AGBL4: variants seen among roughly 807,000 people sequenced by gnomAD.
AGBL4 encodes cytosolic carboxypeptidase 6.
Under a neutral mutation model 66.4 loss-of-function variants are expected in AGBL4, and 58 were observed. The ratio of observed to expected loss-of-function variants is 0.87; its 90% CI spans 0.71 to 1.09. The LOEUF (loss-of-function observed/expected upper bound fraction) is 1.09. AGBL4 is among the 50% of genes least tolerant of loss of function. The probability of loss-of-function intolerance (pLI) is 0.00; values close to 1 mark genes in which losing one functional copy is unlikely to be tolerated. For missense variants in AGBL4, 579 were observed against 631.0 expected, an observed-to-expected ratio of 0.92 and a Z score of 0.88; for synonymous variants, 234 against 222.9, an observed-to-expected ratio of 1.05 and a Z score of -0.44.
chr1:48,535,370 T>C (rs1442706387), intron 12 of AGBL4, among the ~76,000 whole-genome samples: 1 of 152,192 alleles, frequency 6.6e-6, no homozygotes, highest in Non-Finnish European at 1.5e-5. Context: ...CAGGCCTTTG[T>C]AGCACTTTGT....
chr1:48,935,512 C>T (rs1176242404), intron 5 of AGBL4, among the ~76,000 whole-genome samples: 2 of 152,114 alleles, frequency 1.3e-5, no homozygotes, highest in Non-Finnish European at 2.9e-5. Flanking sequence ...CCCACTTCAA[C>T]GATGCTCTCT....
At chr1:48,637,282 G>A (rs946918554) in intron 8 of AGBL4, among the ~76,000 whole-genome samples, 24 of 152,210 alleles carry the variant, frequency 1.6e-4, no homozygotes, top group Non-Finnish European at 5.9e-5. Flanking sequence ...GGTCAGGGAT[G>A]ACCTCTTCTT....
intron 3 of AGBL4, among the ~76,000 whole-genome samples, chr1:49,424,143 G>A (rs1645607104): frequency 6.6e-6 from 1 of 152,156 alleles, no homozygotes; most frequent in African/African-American, 2.4e-5. Flanking sequence ...GACACTAAGA[G>A]AACCAAGATC....
intron 1 of AGBL4, among the ~76,000 whole-genome samples, chr1:49,905,304 C>G (rs1001803204): frequency 2.0e-5 from 3 of 152,142 alleles, no homozygotes; most frequent in African/African-American, 7.2e-5. Context: ...ATCATAAATA[C>G]ATTTCATCAC....
At chr1:49,996,994 T>C (rs934202008) in intron 1 of AGBL4, among the ~76,000 whole-genome samples, 2 of 152,224 alleles carry the variant, frequency 1.3e-5, no homozygotes, top group Middle Eastern at 3.4e-3. Flanking sequence ...AGTCTTTTTA[T>C]AATAAATGCT....
intron 9 of AGBL4, among the ~76,000 whole-genome samples, chr1:48,631,640 T>A (rs773754359): frequency 1.3e-5 from 2 of 152,288 alleles, no homozygotes; most frequent in East Asian, 3.9e-4. Context: ...GTGGTCCGCC[T>A]GCCTCAGCTT....
At chr1:49,256,059 G>T (rs1652471533) in intron 3 of AGBL4, among the ~76,000 whole-genome samples, 1 of 152,046 alleles carries the variant, frequency 6.6e-6, no homozygotes, top group African/African-American at 2.4e-5. Context: ...ATGGGTACTA[G>T]GCTTCATATC....
chr1:48,922,303 G>A (rs377665348), intron 5 of AGBL4, among the ~76,000 whole-genome samples: 18 of 152,242 alleles, frequency 1.2e-4, no homozygotes, highest in South Asian at 1.0e-3. Context: ...AGCCAATAAC[G>A]GCTTTGGCAA....
intron 6 of AGBL4, among the ~76,000 whole-genome samples, chr1:48,678,582 G>T (rs1341394475): frequency 6.6e-6 from 1 of 152,160 alleles, no homozygotes; most frequent in Non-Finnish European, 1.5e-5. Flanking sequence ...GCACATAGTA[G>T]GTACCCCATA....
intron 5 of AGBL4, among the ~76,000 whole-genome samples, chr1:48,883,723 C>T (rs1650012373): frequency 6.6e-6 from 1 of 152,058 alleles, no homozygotes; most frequent in Non-Finnish European, 1.5e-5. Flanking sequence ...GAGTAGATGC[C>T]CAATAATACA....
chr1:49,506,036 T>G (rs1648648526), intron 3 of AGBL4, among the ~76,000 whole-genome samples: 1 of 152,030 alleles, frequency 6.6e-6, no homozygotes. Context: ...ATTTTTCAAT[T>G]GATCCTCATT....
intron 3 of AGBL4, among the ~76,000 whole-genome samples, chr1:49,685,217 A>C (rs1646765346): frequency 1.3e-5 from 2 of 152,200 alleles, no homozygotes; most frequent in Non-Finnish European, 2.9e-5. Flanking sequence ...GCTGCAAAGG[A>C]CATGCTTTCA....
chr1:49,042,533 G>A (rs1177957448), intron 5 of AGBL4, among the ~76,000 whole-genome samples: 1 of 152,120 alleles, frequency 6.6e-6, no homozygotes, highest in Non-Finnish European at 1.5e-5. Context: ...AAATGACAGT[G>A]CCACAGAACT....
intron 2 of AGBL4, among the ~76,000 whole-genome samples, chr1:49,820,873 A>C (rs1040309902): frequency 1.3e-5 from 2 of 152,212 alleles, no homozygotes; most frequent in African/African-American, 4.8e-5. Flanking sequence ...CACTTAGTCA[A>C]GTCACAACTT....
intron 1 of AGBL4, among the ~76,000 whole-genome samples, chr1:49,976,711 A>G (rs1658586399): frequency 6.6e-6 from 1 of 152,254 alleles, no homozygotes; most frequent in Non-Finnish European, 1.5e-5. Flanking sequence ...CAATCCTTTA[A>G]GGAATATAAA....
intron 3 of AGBL4, among the ~76,000 whole-genome samples, chr1:49,378,822 A>G (rs901646790): frequency 2.6e-4 from 39 of 152,122 alleles, no homozygotes; most frequent in Admixed American, 9.8e-4. Flanking sequence ...CTGAGTAGTA[A>G]TGGTCCAGCT....
rs562404432 is a variant in AGBL4, at chr1:49,456,123, C to T, written c.283-210259G>A. ...CTGCTTTTCTTTTAAATGAGCTTCC[C>T]GCCCTTTCTGCTCACACCTTCATCT... On this transcript the variant is annotated intron_variant, in intron 3 of 13. Coordinates refer to ENST00000371839, the MANE Select transcript of AGBL4 (RefSeq NM_032785.4). 7.9e-5 allele frequency among the ~76,000 whole-genome samples: 12 copies of T among 151,764 alleles called. No homozygotes were observed. In the South Asian group the frequency reaches 2.3e-3, roughly 29 times the overall value.
At chr1:49,016,392 A>C (rs1254823276) in intron 5 of AGBL4, among the ~76,000 whole-genome samples, 2 of 152,218 alleles carry the variant, frequency 1.3e-5, no homozygotes, top group Non-Finnish European at 2.9e-5. Context: ...AATAGTAACC[A>C]GCTTCTGAAG....
intron 4 of AGBL4, among the ~76,000 whole-genome samples, chr1:49,056,202 C>T (rs1466986180): frequency 6.6e-6 from 1 of 151,886 alleles, no homozygotes; most frequent in African/African-American, 2.4e-5. Context: ...AAATATATTG[C>T]CCAAGAGCTT....
Sources: allele counts gnomAD v4.1 joint callset (sites outside exome capture counted in the v4.1 genomes callset), GRCh38; gene constraint gnomAD v4.1.1; transcripts MANE v1.5; gene names NCBI Gene and HGNC (gene_info 2026-07-23, HGNC 2026-07-21).